The following GOSR1 variants were observed in gnomAD, a reference collection of about 807,000 sequenced individuals.
GOSR1 encodes the protein 28 kDa Golgi SNARE protein.
In GOSR1, 21 loss-of-function variants were observed where a neutral mutation model predicts 35.5. The observed-to-expected ratio is 0.59, with a 90% CI of 0.42 to 0.85. The LOEUF is 0.85. Among genes scored for constraint, GOSR1 ranks in the 40% least tolerant of loss-of-function variants. The probability of loss-of-function intolerance (pLI) is 0.00; values close to 1 mark genes in which losing one functional copy is unlikely to be tolerated. For missense variants in GOSR1, 285 were observed against 309.6 expected, an observed-to-expected ratio of 0.92 and a Z score of 0.60; for synonymous variants, 94 against 106.6, an observed-to-expected ratio of 0.88 and a Z score of 0.73.
chr17:30,495,650 C>A, intron 6 of GOSR1: 2 of 297,114 alleles, frequency 6.7e-6, no homozygotes, highest in South Asian at 2.9e-5. Context: ...CAAGCCTCTG[C>A]AGTCTCATGA....
At chr17:30,518,210 T>G (rs540768282) in intron 7 of GOSR1, among the ~76,000 whole-genome samples, 1 of 152,190 alleles carries the variant, frequency 6.6e-6, no homozygotes, top group Non-Finnish European at 1.5e-5. Flanking sequence ...AAGAAAAATC[T>G]AAGCTTCCCT....
Position 30,526,476 on chromosome 17 carries a change from T to A in GOSR1, c.*4098T>A, listed in dbSNP as rs185128362. On this transcript the variant is annotated 3_prime_UTR_variant, in exon 9 of 9. Coordinates refer to ENST00000451249, the MANE Select transcript of GOSR1 (RefSeq NM_001007025.2). Reference sequence around the variant, plus strand: ...GCCTGGGCAATGTAGCAAGACTCTGTCTCTGCAAAAAAAATTAAAAGATAC... The same window carrying A: ...GCCTGGGCAATGTAGCAAGACTCTGACTCTGCAAAAAAAATTAAAAGATAC... 5.9e-5 allele frequency: 9 copies of A among 152,304 alleles called. No homozygotes were observed. Among genetic ancestry groups the A allele is most frequent in the Non-Finnish European group, 1.0e-4 (7 of 68,014 alleles). The allele number at this position is 152,304 out of a possible 1,614,324, so 9.4% of individuals were successfully genotyped here.
chr17:30,481,243 T>C lies in GOSR1; in HGVS notation c.132T>C (p.Asp44=), dbSNP rs1323959461. ...GTTACAGTCATAGCAGTACCCGAGATGGAAGACGCGACAGGTATAGGTACT... is the reference window on the plus strand; with the variant it reads ...GTTACAGTCATAGCAGTACCCGAGACGGAAGACGCGACAGGTATAGGTACT... ...CTSYSHSSTR[D]GRRDSSDTTP... Residue 44 remains aspartate (D), a synonymous_variant, in exon 2 of 9, where the codon GAT becomes GAC. Transcript: ENST00000451249. The C allele has an allele frequency of 1.2e-6, 2 of 1,608,158 alleles. No individual in the cohort carries two copies. The highest frequency in any genetic ancestry group is 2.2e-5 in the East Asian group (1 of 44,850).
chr17:30,523,526 G>T lies in GOSR1; in HGVS notation c.*1148G>T, dbSNP rs1444119330. The T allele has an allele frequency of 6.4e-6, 1 of 156,654 alleles. No homozygotes were observed. Among genetic ancestry groups the T allele is most frequent in the Non-Finnish European group, 1.4e-5 (1 of 73,402 alleles). The allele number at this position is 156,654 out of a possible 1,614,324, so 9.7% of individuals were successfully genotyped here. A position where few individuals can be genotyped will look rare whatever the true frequency, so the allele number is the denominator to read the frequency against. ...AGCTGCCCCGTCCGGGAGGGAGGTG[G>T]GGGGGTCAGCCCCCCGCCCGGCCAG... On this transcript the variant is annotated 3_prime_UTR_variant, in exon 9 of 9. Coordinates refer to ENST00000451249, the MANE Select transcript of GOSR1 (RefSeq NM_001007025.2).
chr17:30,513,989 A>T (rs1268844184), intron 7 of GOSR1, among the ~76,000 whole-genome samples: 1 of 152,224 alleles, frequency 6.6e-6, no homozygotes, highest in African/African-American at 2.4e-5. Flanking sequence ...GGGCCAGCAT[A>T]GGTTTGAAAG....
At chr17:30,502,669 A>G (rs1967253372) in intron 6 of GOSR1, among the ~76,000 whole-genome samples, 1 of 152,238 alleles carries the variant, frequency 6.6e-6, no homozygotes, top group East Asian at 1.9e-4. Context: ...GAACAAAGCA[A>G]ATAAAGATAT....
intron 6 of GOSR1, among the ~76,000 whole-genome samples, chr17:30,508,457 C>G (rs1414513556): frequency 6.6e-6 from 1 of 152,124 alleles, no homozygotes; most frequent in Non-Finnish European, 1.5e-5. Flanking sequence ...CCAAGTTAAC[C>G]CCCTTTTTTG....
chr17:30,483,349 G>A (rs377277525), intron 2 of GOSR1, among the ~76,000 whole-genome samples: 1 of 152,070 alleles, frequency 6.6e-6, no homozygotes, highest in South Asian at 2.1e-4. Flanking sequence ...CATTTATTCA[G>A]CAGAAGTTTA....
chr17:30,515,521 A>G (rs1253331190), intron 7 of GOSR1, among the ~76,000 whole-genome samples: 1 of 152,082 alleles, frequency 6.6e-6, no homozygotes, highest in African/African-American at 2.4e-5. Context: ...GACTAGGGGC[A>G]GCCACCTAGC....
intron 7 of GOSR1, among the ~76,000 whole-genome samples, chr17:30,516,176 TAAAG>T (rs993676718): frequency 7.9e-5 from 12 of 151,416 alleles, no homozygotes; most frequent in Admixed American, 7.2e-4. Flanking sequence ...CTAAAACGGA[TAAAG>T]AAAAAGTCAG....
chr17:30,493,292 C>T (rs1015684230), intron 6 of GOSR1, among the ~76,000 whole-genome samples: 2 of 152,116 alleles, frequency 1.3e-5, no homozygotes, highest in African/African-American at 4.8e-5. Flanking sequence ...CCACCGCACC[C>T]GGCCAGTGCA....
intron 6 of GOSR1, among the ~76,000 whole-genome samples, chr17:30,504,104 G>C (rs1388730061): frequency 6.7e-6 from 1 of 149,808 alleles, no homozygotes; most frequent in Non-Finnish European, 1.5e-5. Flanking sequence ...TCGGCTCACT[G>C]CAACTTCCGC....
At chr17:30,501,042 G>A (rs545537585) in intron 6 of GOSR1, among the ~76,000 whole-genome samples, 39 of 152,090 alleles carry the variant, frequency 2.6e-4, no homozygotes, top group East Asian at 2.3e-3. Flanking sequence ...CACGACGCCC[G>A]GCTAATTTTT....
intron 5 of GOSR1, among the ~76,000 whole-genome samples, chr17:30,490,555 T>C (rs1195067850): frequency 1.3e-5 from 2 of 152,074 alleles, no homozygotes; most frequent in African/African-American, 4.8e-5. Context: ...TCTGCAGATG[T>C]GTCAAAGAAA....
intron 7 of GOSR1, chr17:30,519,724 T>C: frequency 2.3e-6 from 1 of 426,732 alleles, no homozygotes; most frequent in South Asian, 5.2e-5. Context: ...AGTGGCTTAC[T>C]GCCTTGTATA....
chr17:30,511,829 C>T (rs1189051018), intron 7 of GOSR1, among the ~76,000 whole-genome samples: 1 of 152,146 alleles, frequency 6.6e-6, no homozygotes, highest in African/African-American at 2.4e-5. Flanking sequence ...CTGCGCCCAG[C>T]CACATTTGTA....
intron 7 of GOSR1, among the ~76,000 whole-genome samples, chr17:30,512,764 T>A (rs1032613114): frequency 2.0e-5 from 3 of 152,192 alleles, no homozygotes; most frequent in African/African-American, 7.2e-5. Context: ...TTCCCAATCA[T>A]CCTTTTTCTT....
chr17:30,516,118 T>C (rs1309541961), intron 7 of GOSR1, among the ~76,000 whole-genome samples: 1 of 151,684 alleles, frequency 6.6e-6, no homozygotes. Flanking sequence ...ACTTGTATAT[T>C]GTATATTATA....
intron 6 of GOSR1, among the ~76,000 whole-genome samples, chr17:30,501,351 C>T (rs1967197782): frequency 6.6e-6 from 1 of 152,150 alleles, no homozygotes. Flanking sequence ...CACTGCACAA[C>T]TGTTAGAATG....
Sources: gnomAD v4.1 joint callset for allele counts (sites outside exome capture counted in the v4.1 genomes callset) on GRCh38, gnomAD v4.1.1 for gene constraint, MANE v1.5 for transcripts, NCBI Gene and HGNC (gene_info 2026-07-23, HGNC 2026-07-21) for gene names.